Variants in UBP1 observed in about 807,000 individuals in gnomAD.
UBP1 encodes upstream binding protein 1.
Under a neutral mutation model 76.1 loss-of-function variants are expected in UBP1, and 22 were observed. The ratio of observed to expected loss-of-function variants is 0.29; its 90% CI spans 0.21 to 0.41. The LOEUF is 0.41. Among genes scored for constraint, UBP1 ranks in the 10% least tolerant of loss-of-function variants. The pLI is 1.00. For missense variants in UBP1, 436 were observed against 668.1 expected, an observed-to-expected ratio of 0.65 and a Z score of 3.83; for synonymous variants, 224 against 237.1, an observed-to-expected ratio of 0.94 and a Z score of 0.51.
chr3:33,410,243 A>ACCC (rs2044545836), intron 5 of UBP1, among the ~76,000 whole-genome samples: 2 of 152,238 alleles, frequency 1.3e-5, no homozygotes, highest in African/African-American at 2.4e-5. Context: ...CCTGGATGAC[A>ACCC]GCCTTAGGGT....
At chr3:33,434,051 A>C (rs1163314862) in intron 1 of UBP1, among the ~76,000 whole-genome samples, 1 of 152,210 alleles carries the variant, frequency 6.6e-6, no homozygotes, top group Admixed American at 6.5e-5. Context: ...AACAAATGCC[A>C]CTATGATGAA....
chr3:33,395,984 T>C (rs1399945697), intron 13 of UBP1, among the ~76,000 whole-genome samples, 178 bp downstream of exon 13: 1 of 152,168 alleles, frequency 6.6e-6, no homozygotes, highest in Non-Finnish European at 1.5e-5. Flanking sequence ...GCCAGTTTCC[T>C]CTTCTCCCAA....
At chr3:33,425,228 T>A (rs1444549013) in intron 2 of UBP1, among the ~76,000 whole-genome samples, 1 of 152,208 alleles carries the variant, frequency 6.6e-6, no homozygotes, top group Non-Finnish European at 1.5e-5. Flanking sequence ...AGCACAGAAC[T>A]GCTTCATGTT....
At chr3:33,400,119 AAAGTT>A (rs1343483571) in intron 11 of UBP1, 65 bp downstream of exon 11, 6 of 1,050,546 alleles carry the variant, frequency 5.7e-6, no homozygotes, top group African/African-American at 5.1e-5. Context: ...TTAAAAATAT[AAAGTT>A]AATAAAAGCA....
intron 3 of UBP1, 125 bp downstream of exon 3, chr3:33,416,633 A>C: frequency 1.4e-6 from 1 of 707,706 alleles, no homozygotes; most frequent in South Asian, 2.5e-5. Context: ...GAATAAACAA[A>C]ATATAGCTCA....
chr3:33,418,889 T>G (rs1260147176), intron 2 of UBP1, among the ~76,000 whole-genome samples: 3 of 140,252 alleles, frequency 2.1e-5, no homozygotes, highest in Non-Finnish European at 3.1e-5. Flanking sequence ...AAAAAATTGC[T>G]AACAAATGTC....
At chr3:33,425,996 A>AAT (rs60739079) in intron 1 of UBP1, among the ~76,000 whole-genome samples, 4,095 of 53,986 alleles carry the variant, frequency 0.076, 215 homozygotes, top group Non-Finnish European at 0.089. Context: ...GGCAGCTCTG[A>AAT]ATATATATAT....
chr3:33,439,734 A>G lies in UBP1; in HGVS notation c.113+2T>C. ...CTTCTCCCCGCCCAGGGAGCCCAGT[A>G]CCTCATGCTGTAAGCGCCGGCGCCC... is the stretch of plus-strand genomic sequence containing the variant. On this transcript the variant is annotated splice_donor_variant, in intron 1 of 15. Coordinates refer to ENST00000283629, the MANE Select transcript of UBP1 (RefSeq NM_014517.5). LOFTEE classifies it high-confidence loss of function. The G allele has an allele frequency of 6.2e-7, 1 of 1,611,506 alleles. No individual in the cohort carries two copies. Among genetic ancestry groups the G allele is most frequent in the East Asian group, 2.2e-5 (1 of 44,752 alleles).
intron 2 of UBP1, among the ~76,000 whole-genome samples, chr3:33,424,398 G>A (rs1167871654): frequency 6.6e-6 from 1 of 152,150 alleles, no homozygotes; most frequent in Non-Finnish European, 1.5e-5. Flanking sequence ...AAAATCTATT[G>A]CTCTTTCCAA....
chr3:33,398,054 T>C (rs183041186), intron 11 of UBP1: 2 of 152,194 alleles, frequency 1.3e-5, no homozygotes, highest in East Asian at 3.8e-4. Flanking sequence ...CTGGTAGTTT[T>C]TGAAGGTAGG....
In UBP1 at chr3:33,409,411, G is replaced by A. The variant is rs766793171; in HGVS notation, c.708+38C>T. 27 of 1,613,768 alleles carry A rather than the reference G, an allele frequency of 1.7e-5. No homozygotes were observed. The Admixed American group carries it at 2.2e-4, about 13-fold the overall frequency. On this transcript the variant is annotated intron_variant, in intron 6 of 15. Coordinates refer to ENST00000283629, the MANE Select transcript of UBP1 (RefSeq NM_014517.5). ...GACACACAGCTTTACAGGCAAAACT[G>A]AGCCTTAATTACAGAAAACCCGGGT...
At chr3:33,435,693 C>CTTA (rs1269507911) in intron 1 of UBP1, among the ~76,000 whole-genome samples, 8 of 152,118 alleles carry the variant, frequency 5.3e-5, no homozygotes, top group Admixed American at 2.0e-4. Context: ...CCTAGCCTAC[C>CTTA]TTAAACATGC....
intron 8 of UBP1, among the ~76,000 whole-genome samples, chr3:33,405,130 T>C (rs1165334635): frequency 1.3e-5 from 2 of 152,092 alleles, no homozygotes; most frequent in Non-Finnish European, 2.9e-5. Context: ...GGGTGATCAT[T>C]TAAAAATTTC....
chr3:33,409,417 T>G (rs781086803), intron 6 of UBP1, 32 bp downstream of exon 6: 12 of 1,613,820 alleles, frequency 7.4e-6, no homozygotes, highest in East Asian at 6.7e-5. Context: ...AACTGAGCCT[T>G]AATTACAGAA....
rs59049122 is a variant in UBP1, at chr3:33,428,181, C to CAAAA, written c.114-2444_114-2441dup. 2.7e-3 allele frequency among the ~76,000 whole-genome samples: 155 copies of CAAAA among 57,138 alleles called. 7 individuals are homozygous for CAAAA. Among genetic ancestry groups the CAAAA allele is most frequent in the Middle Eastern group, 0.013 (1 of 80 alleles). 37.5% of individuals were successfully genotyped at this position (57,138 alleles called of 152,430 possible). A position where few individuals can be genotyped will look rare whatever the true frequency, so the allele number is the denominator to read the frequency against. On this transcript the variant is annotated intron_variant, in intron 1 of 15. Coordinates refer to ENST00000283629, the MANE Select transcript of UBP1 (RefSeq NM_014517.5). Reference sequence around the variant, plus strand: ...TCAGTGACAGAGCGAGATTCCATCTCAAAAAAAAAAAAAAAAAAAAAAGAA... The same window carrying CAAAA: ...TCAGTGACAGAGCGAGATTCCATCTCAAAAAAAAAAAAAAAAAAAAAAAAAAGAA...
chr3:33,424,431 T>G (rs556925166), intron 2 of UBP1, among the ~76,000 whole-genome samples: 1 of 152,348 alleles, frequency 6.6e-6, no homozygotes, highest in East Asian at 1.9e-4. Context: ...AAATTCTATT[T>G]AATGACAGAA....
intron 2 of UBP1, among the ~76,000 whole-genome samples, chr3:33,419,402 G>T (rs747633581): frequency 6.6e-6 from 1 of 151,980 alleles, no homozygotes; most frequent in Non-Finnish European, 1.5e-5. Context: ...GGCTGAGGTG[G>T]GCGGATCACG....
intron 2 of UBP1, among the ~76,000 whole-genome samples, chr3:33,424,712 G>C (rs1311787629): frequency 2.0e-5 from 3 of 152,174 alleles, no homozygotes; most frequent in Admixed American, 1.3e-4. Flanking sequence ...AGTCACATCA[G>C]CCTGTGCCCA....
At chr3:33,421,417 C>T (rs2044889345) in intron 2 of UBP1, among the ~76,000 whole-genome samples, 1 of 152,160 alleles carries the variant, frequency 6.6e-6, no homozygotes, top group East Asian at 1.9e-4. Context: ...GGACTACAGG[C>T]GTGCGCCACC....
Sources: gnomAD v4.1 joint callset for allele counts (sites outside exome capture counted in the v4.1 genomes callset) on GRCh38, gnomAD v4.1.1 for gene constraint, MANE v1.5 for transcripts, NCBI Gene and HGNC (gene_info 2026-07-23, HGNC 2026-07-21) for gene names.